The following ARSG variants were observed in gnomAD, a reference collection of about 807,000 sequenced individuals.
ARSG encodes ASG.
ARSG carries 37 observed loss-of-function variants against 50.5 expected under a neutral mutation model. That is an observed-to-expected ratio of 0.73 (90% CI 0.56 to 0.96). The LOEUF (loss-of-function observed/expected upper bound fraction) is 0.96, where lower values mean the gene tolerates loss of function less well. ARSG is among the 50% of genes least tolerant of loss of function. The pLI is 0.00. For missense variants in ARSG, 629 were observed against 675.3 expected (o/e 0.93, Z 0.76); for synonymous variants, 225 against 254.6 (o/e 0.88, Z 1.11).
intron 6 of ARSG, among the ~76,000 whole-genome samples, chr17:68,358,226 A>C (rs775039364): frequency 2.3e-4 from 35 of 151,776 alleles, no homozygotes; most frequent in Admixed American, 1.3e-4. Context: ...AATGAAAAAT[A>C]AAATAAAATA....
At chr17:68,316,096 C>T (rs1304909180) in intron 2 of ARSG, among the ~76,000 whole-genome samples, 2 of 152,200 alleles carry the variant, frequency 1.3e-5, no homozygotes, top group African/African-American at 4.8e-5. Flanking sequence ...TCACATTGCA[C>T]ATGTTTCTGT....
intron 11 of ARSG, among the ~76,000 whole-genome samples, chr17:68,411,318 G>T (rs1163203216): frequency 1.3e-5 from 2 of 152,160 alleles, no homozygotes; most frequent in African/African-American, 4.8e-5. Flanking sequence ...ATTCTGGTAT[G>T]TTGTGTCTTT....
At chr17:68,275,880 G>A (rs2075499096) in intron 1 of ARSG, among the ~76,000 whole-genome samples, 1 of 151,676 alleles carries the variant, frequency 6.6e-6, no homozygotes, top group Admixed American at 6.6e-5. Flanking sequence ...CTACTCGGGA[G>A]GCTAAGGCAG....
chr17:68,320,380 C>G (rs1372937297), intron 2 of ARSG, among the ~76,000 whole-genome samples: 2 of 151,850 alleles, frequency 1.3e-5, no homozygotes, highest in Admixed American at 1.3e-4. Context: ...TAAAGATTAT[C>G]TGTTAAGACT....
chr17:68,291,196 G>C (rs1156812263), upstream of ARSG: 1 of 151,912 alleles, frequency 6.6e-6, no homozygotes, highest in Non-Finnish European at 1.5e-5. Flanking sequence ...TAACCCCTTA[G>C]GGGGCGGGCC....
chr17:68,351,253 A>G (rs1171825111), intron 4 of ARSG, among the ~76,000 whole-genome samples: 5 of 151,640 alleles, frequency 3.3e-5, no homozygotes, highest in Non-Finnish European at 5.9e-5. Context: ...TGTCATGTAT[A>G]TAGTAGGTTT....
intron 1 of ARSG, chr17:68,278,424 C>G (rs2075593151): frequency 1.4e-6 from 1 of 698,966 alleles, no homozygotes; most frequent in East Asian, 2.7e-5. Context: ...ACTACTTACC[C>G]CATTTCTTAA....
intron 9 of ARSG, among the ~76,000 whole-genome samples, chr17:68,388,904 G>A (rs367839556): frequency 4.2e-5 from 6 of 141,480 alleles, no homozygotes; most frequent in African/African-American, 1.4e-4. Context: ...CAGCCTGGGC[G>A]ACAGTGAGAC....
chr17:68,270,640 T>G (rs2075308706), intron 1 of ARSG, among the ~76,000 whole-genome samples: 1 of 152,142 alleles, frequency 6.6e-6, no homozygotes. Context: ...CATCTGACCT[T>G]TAGCTTCAAT....
At chr17:68,449,450 C>T in the ARSG span, among the ~76,000 whole-genome samples, 1 of 152,176 alleles carries the variant, frequency 6.6e-6, no homozygotes, top group Admixed American at 6.5e-5. Flanking sequence ...CATGGGGAAA[C>T]ACTGTAATAT....
At chr17:68,362,319 A>C (rs2079330423) in intron 6 of ARSG, among the ~76,000 whole-genome samples, 1 of 151,432 alleles carries the variant, frequency 6.6e-6, no homozygotes, top group Non-Finnish European at 1.5e-5. Flanking sequence ...ACTCACCCCC[A>C]ACCCCTCTTT....
At chr17:68,426,254 G>GGGGGGGGCCCCCCCC, downstream of ARSG, 2 of 816,912 alleles carry the variant, frequency 2.4e-6, no homozygotes, top group Non-Finnish European at 1.9e-6. Context: ...GGGAGCGGGG[G>GGGGGGGGCCCCCCCC]CTCAAATAAA....
intron 10 of ARSG, among the ~76,000 whole-genome samples, chr17:68,395,770 C>T (rs778958849): frequency 6.6e-6 from 1 of 152,118 alleles, no homozygotes; most frequent in African/African-American, 2.4e-5. Context: ...TTATTGTGAG[C>T]CTCACCCTCT....
intron 1 of ARSG, among the ~76,000 whole-genome samples, chr17:68,291,878 A>G (rs2076009333): frequency 2.6e-5 from 4 of 151,446 alleles, no homozygotes; most frequent in Admixed American, 2.6e-4. Flanking sequence ...GCGAGGGGGA[A>G]CACGCGCGCG....
the ARSG span, among the ~76,000 whole-genome samples, chr17:68,433,163 C>T: frequency 1.3e-5 from 2 of 152,242 alleles, no homozygotes; most frequent in African/African-American, 4.8e-5. Context: ...TCATTTAATA[C>T]TACTGTTATG....
intron 1 of ARSG, among the ~76,000 whole-genome samples, chr17:68,296,990 A>G (rs1305097838): frequency 6.6e-6 from 1 of 152,204 alleles, no homozygotes; most frequent in Non-Finnish European, 1.5e-5. Flanking sequence ...TTCATGTTAC[A>G]TGCACTCATC....
chr17:68,401,293 G>A, intron 10 of ARSG, 67 bp from the exon 11 acceptor site: 1 of 1,405,338 alleles, frequency 7.1e-7, no homozygotes. Flanking sequence ...AAGGTATTGG[G>A]ATTACAGGCA....
chr17:68,426,243 G>GT (rs762554342), downstream of ARSG: 5 of 935,278 alleles, frequency 5.3e-6, no homozygotes, highest in Non-Finnish European at 6.3e-6. Flanking sequence ...CCTGGCGGGT[G>GT]GGGAGCGGGG....
intron 8 of ARSG, among the ~76,000 whole-genome samples, chr17:68,371,767 AATT>A (rs2079859664): frequency 6.6e-6 from 1 of 152,224 alleles, no homozygotes; most frequent in Non-Finnish European, 1.5e-5. Flanking sequence ...TGCTTAAAGA[AATT>A]ATTATACCTC....
Sources: allele counts gnomAD v4.1 joint callset (sites outside exome capture counted in the v4.1 genomes callset), GRCh38; gene constraint gnomAD v4.1.1; transcripts MANE v1.5; gene names NCBI Gene and HGNC (gene_info 2026-07-23, HGNC 2026-07-21).